Variants in CRY1 observed in about 807,000 individuals in gnomAD.
The protein encoded by CRY1 is cryptochrome circadian regulator 1.
Under a neutral mutation model 76.0 loss-of-function variants are expected in CRY1, and 45 were observed. The ratio of observed to expected loss-of-function variants is 0.59; its 90% CI spans 0.47 to 0.76. The LOEUF is 0.76. Among genes scored for constraint, CRY1 ranks in the 30% least tolerant of loss-of-function variants. The pLI is 0.00. For synonymous variants in CRY1, 248 were observed against 244.0 expected (o/e 1.02, Z -0.15); for missense variants, 587 against 716.4 (o/e 0.82, Z 2.06).
chr12:107,060,187 T>C (rs1953030272), intron 1 of CRY1, among the ~76,000 whole-genome samples: 1 of 152,212 alleles, frequency 6.6e-6, no homozygotes, highest in Non-Finnish European at 1.5e-5. Flanking sequence ...AGATATGTGG[T>C]GCTATAGTTT....
At chr12:107,005,067 T>C (rs1352317079) in intron 3 of CRY1, 39 bp downstream of exon 3, 17 of 1,575,204 alleles carry the variant, frequency 1.1e-5, no homozygotes, top group Non-Finnish European at 1.5e-5. Flanking sequence ...TATTATGTTA[T>C]ACGCATTTTC....
intron 1 of CRY1, among the ~76,000 whole-genome samples, chr12:107,077,492 TA>T (rs1234399542): frequency 6.6e-6 from 1 of 152,190 alleles, no homozygotes; most frequent in Non-Finnish European, 1.5e-5. Flanking sequence ...AAGTAAGAAT[TA>T]TAAAGTAGGT....
intron 3 of CRY1, among the ~76,000 whole-genome samples, chr12:107,003,931 C>T (rs1593496005): frequency 6.6e-6 from 1 of 150,978 alleles, no homozygotes; most frequent in African/African-American, 2.4e-5. Context: ...CTCAGCCTCC[C>T]AAGTAGCTGG....
chr12:107,067,712 G>C (rs563820720), intron 1 of CRY1, among the ~76,000 whole-genome samples: 3 of 152,244 alleles, frequency 2.0e-5, no homozygotes, highest in African/African-American at 7.2e-5. Context: ...CAGATTAATG[G>C]GGGGAAGAAG....
intron 3 of CRY1, among the ~76,000 whole-genome samples, chr12:107,004,418 A>C (rs1952346766): frequency 6.6e-6 from 1 of 152,224 alleles, no homozygotes; most frequent in African/African-American, 2.4e-5. Context: ...AATAAATTAT[A>C]AGATTTCAGT....
intron 2 of CRY1, among the ~76,000 whole-genome samples, chr12:107,009,162 A>C (rs1258578361): frequency 6.6e-6 from 1 of 152,144 alleles, no homozygotes; most frequent in Non-Finnish European, 1.5e-5. Flanking sequence ...CTATTAACCC[A>C]GTAGGTTATA....
chr12:107,049,848 A>AGTGCC, intron 1 of CRY1: 1 of 152,344 alleles, frequency 6.6e-6, no homozygotes, highest in South Asian at 2.1e-4. Flanking sequence ...TTTAGTTTGA[A>AGTGCC]GTGCCTATGA....
chr12:107,035,349 T>C (rs548207094), intron 1 of CRY1, among the ~76,000 whole-genome samples: 57 of 152,312 alleles, frequency 3.7e-4, no homozygotes, highest in Admixed American at 9.8e-4. Context: ...TGAGAGCCTA[T>C]TAAGTGTCAG....
Position 107,084,196 on chromosome 12 carries a change from GA to G in CRY1, c.158+8607del, listed in dbSNP as rs574241169. On this transcript the variant is annotated intron_variant, in intron 1 of 12. Transcript: ENST00000008527. ...AAATAAGAGAGGACACAAACAAATGGAAAAACATTCCATGCTCATGGATAGG... is the reference window on the plus strand; with the variant it reads ...AAATAAGAGAGGACACAAACAAATGGAAAACATTCCATGCTCATGGATAGG... Among the ~76,000 whole-genome samples, 1,218 of 152,258 alleles carry G rather than the reference GA, an allele frequency of 8.0e-3. 14 individuals carry two copies. The highest frequency in any genetic ancestry group is 0.028 in the African/African-American group (1,162 of 41,544).
intron 2 of CRY1, among the ~76,000 whole-genome samples, chr12:107,015,870 G>C (rs897486054): frequency 6.6e-6 from 1 of 152,084 alleles, no homozygotes; most frequent in Non-Finnish European, 1.5e-5. Context: ...ATTTTCTGTA[G>C]AGACAGAGTC....
chr12:107,066,395 A>G (rs1953111379), intron 1 of CRY1, among the ~76,000 whole-genome samples: 1 of 152,146 alleles, frequency 6.6e-6, no homozygotes, highest in African/African-American at 2.4e-5. Context: ...GTACATAGAG[A>G]GACCCAGAAT....
At chr12:107,085,086 G>C (rs997103459) in intron 1 of CRY1, among the ~76,000 whole-genome samples, 1 of 152,050 alleles carries the variant, frequency 6.6e-6, no homozygotes, top group Admixed American at 6.6e-5. Flanking sequence ...CTGGTCATTA[G>C]AGAAATGCAA....
chr12:107,089,321 TTTG>T (rs752490167), intron 1 of CRY1, among the ~76,000 whole-genome samples: 7 of 151,718 alleles, frequency 4.6e-5, no homozygotes, highest in Non-Finnish European at 1.0e-4. Flanking sequence ...CTTCAAATTT[TTTG>T]TTGTTGTTGT....
At chr12:107,060,914 G>C (rs1220548610) in intron 1 of CRY1, among the ~76,000 whole-genome samples, 1 of 152,200 alleles carries the variant, frequency 6.6e-6, no homozygotes, top group African/African-American at 2.4e-5. Flanking sequence ...GGAGGCGGAA[G>C]TTGTGAGCTG....
chr12:107,046,581 C>T (rs1001396494), intron 1 of CRY1, among the ~76,000 whole-genome samples: 6 of 152,212 alleles, frequency 3.9e-5, no homozygotes, highest in South Asian at 4.2e-4. Context: ...CACTAAAAAG[C>T]TACAGAGTAG....
chr12:107,063,953 G>A (rs991857453), intron 1 of CRY1, among the ~76,000 whole-genome samples: 11 of 152,016 alleles, frequency 7.2e-5, no homozygotes, highest in African/African-American at 2.7e-4. Context: ...GGGGGACAGG[G>A]GTTTGCAAAA....
intron 1 of CRY1, among the ~76,000 whole-genome samples, chr12:107,023,879 T>C (rs931924641): frequency 6.6e-6 from 1 of 152,176 alleles, no homozygotes; most frequent in Non-Finnish European, 1.5e-5. Flanking sequence ...GTTAGATGGA[T>C]AGTGATATAA....
At position 106,991,904 on chromosome 12, in the gene CRY1, T is replaced by G. The variant is rs1021881673; in HGVS notation, c.*98A>C. 2 of 152,574 alleles carry G rather than the reference T, an allele frequency of 1.3e-5. No homozygotes were observed. Among genetic ancestry groups the G allele is most frequent in the African/African-American group, 4.8e-5 (2 of 41,444 alleles). The allele number at this position is 152,574 out of a possible 1,614,324, so 9.5% of individuals were successfully genotyped here. A position where few individuals can be genotyped will look rare whatever the true frequency, so the allele number is the denominator to read the frequency against. On this transcript the variant is annotated 3_prime_UTR_variant, in exon 13 of 13. Transcript: ENST00000008527. ...GAAACAACATATTTCAATATGTAAC[T>G]GCTTTCCATCAATGAAGAATATTTT...
intron 3 of CRY1, among the ~76,000 whole-genome samples, chr12:107,003,724 G>C (rs1020545048): frequency 6.6e-6 from 1 of 151,686 alleles, no homozygotes; most frequent in African/African-American, 2.4e-5. Context: ...GAGAATCTTA[G>C]GACAAAACAT....
Sources: gnomAD v4.1 joint callset for allele counts (sites outside exome capture counted in the v4.1 genomes callset) on GRCh38, gnomAD v4.1.1 for gene constraint, MANE v1.5 for transcripts, NCBI Gene and HGNC (gene_info 2026-07-23, HGNC 2026-07-21) for gene names.